Variants in SEMA3E observed in about 807,000 individuals in gnomAD.
SEMA3E encodes semaphorin 3E.
In SEMA3E, 49 loss-of-function variants were observed where a neutral mutation model predicts 93.6. The ratio of observed to expected loss-of-function variants is 0.52; its 90% confidence interval spans 0.42 to 0.66. The LOEUF is 0.66. SEMA3E is among the 30% of genes least tolerant of loss of function. SEMA3E has a pLI of 0.00. For synonymous variants in SEMA3E, 363 were observed against 330.7 expected (o/e 1.10, Z -1.06); for missense variants, 906 against 964.8 (o/e 0.94, Z 0.81).
chr7:83,484,478 A>G (rs909349332), intron 2 of SEMA3E, among the ~76,000 whole-genome samples: 16 of 152,190 alleles, frequency 1.1e-4, no homozygotes, highest in Non-Finnish European at 4.4e-5. Context: ...ATCTGTTTCA[A>G]TGACCTCGTC....
rs149291506 is a variant in SEMA3E, at chr7:83,467,576, T to C, written c.337-975A>G. Among the ~76,000 whole-genome samples, 916 of 152,328 alleles carry C rather than the reference T, an allele frequency of 6.0e-3. 6 individuals are homozygous for C. The highest frequency in any genetic ancestry group is 0.01 in the Middle Eastern group (3 of 294). On this transcript the variant is annotated intron_variant, in intron 3 of 16. Transcript: ENST00000643230. ...GACGAGAATGTAAATGTATTTAGTT[T>C]GATGAGCTATCTGGTCTCTGTTGCA...
In SEMA3E at chr7:83,385,380, T is replaced by C; in HGVS notation, c.1789A>G (p.Ser597Gly). The change falls in exon 16 of 17, where the codon AGT becomes GGT. Residue 597 changes from serine to glycine, a missense_variant. By Grantham distance (56) the Ser-to-Gly change is moderately conservative. Coordinates refer to ENST00000643230, the MANE Select transcript of SEMA3E (RefSeq NM_012431.3). ...CGTGGGGTACATTCCAGCAAAGTAC[T>C]GTTGTTCTCTATGCCATAAGCCAGA... ...EHLAYGIENN[S>G]TLLECTPRSL... 1.2e-6 allele frequency: 2 copies of C among 1,613,626 alleles called. No individual in the cohort carries two copies. Among genetic ancestry groups the C allele is most frequent in the Non-Finnish European group, 8.5e-7 (1 of 1,179,640 alleles).
chr7:83,532,925 T>A (rs539632984), intron 1 of SEMA3E, among the ~76,000 whole-genome samples: 1 of 152,282 alleles, frequency 6.6e-6, no homozygotes, highest in South Asian at 2.1e-4. Flanking sequence ...CTCTCATCAC[T>A]AAAGATGTTC....
At chr7:83,609,469 A>C (rs1383613392) in intron 1 of SEMA3E, among the ~76,000 whole-genome samples, 1 of 152,006 alleles carries the variant, frequency 6.6e-6, no homozygotes, top group Non-Finnish European at 1.5e-5. Flanking sequence ...TGCTTAACTT[A>C]TTTTAATATT....
Position 83,638,651 on chromosome 7 carries a change from A to C in SEMA3E, c.115+9777T>G, listed in dbSNP as rs6943810. On this transcript the variant is annotated intron_variant, in intron 1 of 16. Transcript: ENST00000643230. The stretch of plus-strand genomic sequence containing the variant: ...TATATTTATCAAGATCAAGGCTGTG[A>C]TTTGGACATTCAACAACACCCTTAA... Among the ~76,000 whole-genome samples the C allele has an allele frequency of 8.8e-3, 1,335 of 152,280 alleles. 20 individuals are homozygous for C. The highest frequency in any genetic ancestry group is 0.03 in the African/African-American group (1,243 of 41,570).
At chr7:83,532,855 G>A (rs1052154847) in intron 1 of SEMA3E, among the ~76,000 whole-genome samples, 2 of 151,774 alleles carry the variant, frequency 1.3e-5, no homozygotes, top group African/African-American at 4.8e-5. Flanking sequence ...ATTTGTGTGT[G>A]TTTGTTAATT....
chr7:83,534,532 A>G (rs1281516147), intron 1 of SEMA3E, among the ~76,000 whole-genome samples: 2 of 152,204 alleles, frequency 1.3e-5, no homozygotes, highest in African/African-American at 4.8e-5. Context: ...CTGTTTTTAG[A>G]AGCTGGTCTA....
At chr7:83,469,189 G>A in intron 3 of SEMA3E, 54 bp downstream of exon 3, 1 of 1,389,616 alleles carries the variant, frequency 7.2e-7, no homozygotes. Flanking sequence ...GTTCTTTGTG[G>A]TTAACTAGGG....
intron 4 of SEMA3E, among the ~76,000 whole-genome samples, chr7:83,442,315 G>A (rs1789131203): frequency 1.3e-5 from 2 of 152,004 alleles, no homozygotes; most frequent in Non-Finnish European, 2.9e-5. Context: ...TTTGGATGCC[G>A]ATCCTTTCCT....
At chr7:83,466,872 T>G (rs553469334) in intron 3 of SEMA3E, among the ~76,000 whole-genome samples, 1 of 152,174 alleles carries the variant, frequency 6.6e-6, no homozygotes, top group South Asian at 2.1e-4. Context: ...AACTGAGGAA[T>G]AAAAAAAGCA....
At chr7:83,646,626 T>C (rs2115727616) in intron 1 of SEMA3E, among the ~76,000 whole-genome samples, 1 of 152,222 alleles carries the variant, frequency 6.6e-6, no homozygotes. Flanking sequence ...ATATAGATAC[T>C]AGCGGTTTTA....
At chr7:83,611,668 T>C (rs1793270303) in intron 1 of SEMA3E, among the ~76,000 whole-genome samples, 1 of 151,874 alleles carries the variant, frequency 6.6e-6, no homozygotes, top group Non-Finnish European at 1.5e-5. Flanking sequence ...CAGTTCTACC[T>C]TTAATATCCA....
intron 4 of SEMA3E, among the ~76,000 whole-genome samples, chr7:83,464,974 C>CCT (rs969987385): frequency 2.0e-5 from 3 of 151,650 alleles, no homozygotes; most frequent in African/African-American, 4.8e-5. Flanking sequence ...CATCGCATCC[C>CCT]GTGACTTGCA....
chr7:83,394,348 TA>T lies in SEMA3E; in HGVS notation c.1459-11del. Reference sequence around the variant, plus strand: ...TAATAGGAACTGGATCCTGAAATTTTAAAAAAGTTTTCATTTTTAAGAAAAC... The same window carrying T: ...TAATAGGAACTGGATCCTGAAATTTTAAAAAGTTTTCATTTTTAAGAAAAC... On this transcript the variant is annotated splice_polypyrimidine_tract_variant and intron_variant, in intron 12 of 16. Coordinates refer to ENST00000643230, the MANE Select transcript of SEMA3E (RefSeq NM_012431.3). 1.2e-6 allele frequency: 2 copies of T among 1,610,804 alleles called. No individual in the cohort carries two copies. The highest frequency in any genetic ancestry group is 8.5e-7 in the Non-Finnish European group (1 of 1,178,038).
intron 1 of SEMA3E, among the ~76,000 whole-genome samples, chr7:83,568,797 T>C (rs988068820): frequency 6.6e-6 from 1 of 152,212 alleles, no homozygotes; most frequent in East Asian, 1.9e-4. Flanking sequence ...AAAACCTTTT[T>C]CTCTAAGAAC....
intron 4 of SEMA3E, among the ~76,000 whole-genome samples, chr7:83,441,469 C>T (rs928475906): frequency 2.6e-5 from 4 of 151,990 alleles, no homozygotes; most frequent in African/African-American, 9.7e-5. Flanking sequence ...ATAGTTGATG[C>T]CACTGAAGAA....
chr7:83,646,706 A>G (rs1794083858), intron 1 of SEMA3E, among the ~76,000 whole-genome samples: 1 of 152,090 alleles, frequency 6.6e-6, no homozygotes, highest in African/African-American at 2.4e-5. Flanking sequence ...TGACATAATA[A>G]AGATGAACTC....
rs769258588 is a variant in SEMA3E, at chr7:83,400,174, C to G, written c.1220G>C (p.Ser407Thr). The change falls in exon 11 of 17, where the codon AGT becomes ACT. Residue 407 changes from serine (S) to threonine (T), a missense_variant. Coordinates refer to ENST00000643230, the MANE Select transcript of SEMA3E (RefSeq NM_012431.3). The stretch of plus-strand genomic sequence containing the variant: ...TATGGCCTGGTACATTAGTGGATGA[C>G]TTCTTGCAAATCGGATGGCATCATC... ...YPDDAIRFAR[S>T]HPLMYQAIKP... The G allele has an allele frequency of 6.2e-7, 1 of 1,613,932 alleles. No individual in the cohort carries two copies.
At chr7:83,582,293 A>G (rs1175803296) in intron 1 of SEMA3E, among the ~76,000 whole-genome samples, 1 of 151,120 alleles carries the variant, frequency 6.6e-6, no homozygotes, top group East Asian at 1.9e-4. Context: ...TGATTAATGA[A>G]CTAATAAAAT....
Sources: allele counts gnomAD v4.1 joint callset (sites outside exome capture counted in the v4.1 genomes callset), GRCh38; gene constraint gnomAD v4.1.1; transcripts MANE v1.5; gene names NCBI Gene and HGNC (gene_info 2026-07-23, HGNC 2026-07-21).